The following TAFA2 variants were observed in gnomAD, a reference collection of about 807,000 sequenced individuals.
TAFA2 encodes chemokine-like protein TAFA-2.
A neutral mutation model predicts 18.8 loss-of-function variants in TAFA2; 7 were observed. That is an observed-to-expected ratio of 0.37 (90% CI 0.21 to 0.70). The LOEUF (loss-of-function observed/expected upper bound fraction) is 0.70, where lower values mean the gene tolerates loss of function less well. Ranked by LOEUF, TAFA2 falls within the 30% of genes least tolerant of loss-of-function variation. TAFA2 has a pLI of 0.53. For missense variants in TAFA2, 122 were observed against 158.1 expected, an observed-to-expected ratio of 0.77 and a Z score of 1.23; for synonymous variants, 60 against 54.2, an observed-to-expected ratio of 1.11 and a Z score of -0.47.
chr12:61,747,973 G>A (rs1178581312), intron 4 of TAFA2, among the ~76,000 whole-genome samples: 1 of 152,088 alleles, frequency 6.6e-6, no homozygotes, highest in African/African-American at 2.4e-5. Flanking sequence ...TCTTCATTCA[G>A]TAGTTTGTTT....
chr12:61,966,646 G>A (rs1879078062), intron 1 of TAFA2, among the ~76,000 whole-genome samples: 1 of 151,836 alleles, frequency 6.6e-6, no homozygotes, highest in Non-Finnish European at 1.5e-5. Context: ...GTCTGTGGCT[G>A]AGCAAATAGT....
At chr12:61,965,761 A>C (rs1879045747) in intron 1 of TAFA2, among the ~76,000 whole-genome samples, 1 of 151,980 alleles carries the variant, frequency 6.6e-6, no homozygotes, top group African/African-American at 2.4e-5. Context: ...CTTGTAAAGC[A>C]GGAACAAGAC....
intron 1 of TAFA2, among the ~76,000 whole-genome samples, chr12:61,944,379 A>G (rs2121431324): frequency 6.8e-6 from 1 of 146,122 alleles, no homozygotes; most frequent in South Asian, 2.2e-4. Flanking sequence ...ACACCCTAAC[A>G]TCACAATTAA....
chr12:61,720,980 C>A (rs771956385), intron 4 of TAFA2: 11 of 511,002 alleles, frequency 2.2e-5, no homozygotes, highest in African/African-American at 3.9e-5. Flanking sequence ...TTACAGAAAG[C>A]AAACCTGGGA....
At chr12:61,888,396 T>G (rs1485029265) in intron 1 of TAFA2, among the ~76,000 whole-genome samples, 1 of 152,178 alleles carries the variant, frequency 6.6e-6, no homozygotes, top group Admixed American at 6.5e-5. Context: ...CTAGTCATAC[T>G]CAGGACCCTT....
At chr12:62,146,253 C>T (rs2062279908) in intron 1 of TAFA2, among the ~76,000 whole-genome samples, 1 of 148,234 alleles carries the variant, frequency 6.7e-6, no homozygotes, top group Non-Finnish European at 1.5e-5. Context: ...CCTAAGGTTG[C>T]TTTGCCTTCA....
chr12:62,205,698 C>G (rs536083089), intron 1 of TAFA2, among the ~76,000 whole-genome samples: 3 of 152,316 alleles, frequency 2.0e-5, no homozygotes, highest in African/African-American at 7.2e-5. Flanking sequence ...GGAAACACAG[C>G]AGACTGGAGT....
intron 1 of TAFA2, among the ~76,000 whole-genome samples, chr12:62,027,406 A>T (rs996200545): frequency 2.0e-5 from 3 of 152,196 alleles, no homozygotes; most frequent in Non-Finnish European, 2.9e-5. Context: ...AGATTCAATT[A>T]TTCTCAAAAG....
At chr12:61,786,675 T>C (rs1004771986) in intron 2 of TAFA2, among the ~76,000 whole-genome samples, 1 of 151,458 alleles carries the variant, frequency 6.6e-6, no homozygotes, top group Non-Finnish European at 1.5e-5. Flanking sequence ...AAAACTACAA[T>C]GTATGTAATG....
At chr12:61,727,639 A>G (rs1388142324) in intron 4 of TAFA2, among the ~76,000 whole-genome samples, 2 of 151,894 alleles carry the variant, frequency 1.3e-5, no homozygotes, top group African/African-American at 4.8e-5. Flanking sequence ...CTAATGGTGT[A>G]TCAATTTTGT....
intron 1 of TAFA2, among the ~76,000 whole-genome samples, chr12:62,099,194 T>G (rs1184433115): frequency 1.3e-5 from 2 of 152,032 alleles, no homozygotes; most frequent in African/African-American, 2.4e-5. Context: ...GCCTAATCAA[T>G]AGTGTAAGTC....
chr12:61,921,857 G>A lies in TAFA2; in HGVS notation c.-1-54431C>T, dbSNP rs79143510. 7.3e-4 allele frequency among the ~76,000 whole-genome samples: 111 copies of A among 152,190 alleles called. 2 individuals carry two copies. The East Asian group carries it at 0.02, about 28-fold the overall frequency. On this transcript the variant is annotated intron_variant, in intron 1 of 4. Transcript: ENST00000416284. Reference sequence around the variant, plus strand: ...CATTAAGATGTGAGGGAAAAGAGGAGGAACCAGTAAATGACAATGAGACAA... The same window carrying A: ...CATTAAGATGTGAGGGAAAAGAGGAAGAACCAGTAAATGACAATGAGACAA...
chr12:62,201,584 A>T (rs1343071318), intron 1 of TAFA2, among the ~76,000 whole-genome samples: 1 of 152,216 alleles, frequency 6.6e-6, no homozygotes, highest in African/African-American at 2.4e-5. Context: ...CCCAGGGATG[A>T]AGACAACTTG....
intron 1 of TAFA2, chr12:61,878,244 C>A: frequency 2.9e-6 from 1 of 345,860 alleles, no homozygotes; most frequent in Non-Finnish European, 5.7e-6. Flanking sequence ...TAATGTACAA[C>A]ATTGTGAATG....
intron 1 of TAFA2, among the ~76,000 whole-genome samples, chr12:61,948,768 T>G (rs150664037): frequency 6.6e-6 from 1 of 152,162 alleles, no homozygotes; most frequent in African/African-American, 2.4e-5. Context: ...CCTTAAATGA[T>G]ATACATGTTT....
chr12:61,762,174 G>T (rs1272641175), intron 2 of TAFA2, among the ~76,000 whole-genome samples: 2 of 152,020 alleles, frequency 1.3e-5, no homozygotes, highest in Non-Finnish European at 2.9e-5. Context: ...CCAGTCTCAG[G>T]TATTTCTTTC....
intron 1 of TAFA2, among the ~76,000 whole-genome samples, chr12:62,049,487 G>A (rs1475399068): frequency 3.3e-5 from 5 of 152,180 alleles, no homozygotes; most frequent in Admixed American, 2.6e-4. Context: ...CATGAGTTTG[G>A]ATGAGGTTGT....
intron 1 of TAFA2, chr12:61,879,200 G>T: frequency 3.0e-6 from 1 of 336,050 alleles, no homozygotes; most frequent in South Asian, 5.1e-5. Context: ...CATTCTTCCA[G>T]CTTCAGGCCC....
intron 1 of TAFA2, among the ~76,000 whole-genome samples, chr12:62,115,091 A>G (rs1001863230): frequency 2.0e-5 from 3 of 152,150 alleles, no homozygotes; most frequent in Non-Finnish European, 2.9e-5. Flanking sequence ...TCCTTTGGGT[A>G]ATTTCTTCCC....
Sources: gnomAD v4.1 joint callset for allele counts (sites outside exome capture counted in the v4.1 genomes callset) on GRCh38, gnomAD v4.1.1 for gene constraint, MANE v1.5 for transcripts, NCBI Gene and HGNC (gene_info 2026-07-23, HGNC 2026-07-21) for gene names.